BRI3: variants seen among roughly 807,000 people sequenced by gnomAD.
BRI3 encodes the protein membrane protein BRI3.
A neutral mutation model predicts 12.8 loss-of-function variants in BRI3; 6 were observed. The observed-to-expected ratio is 0.47, with a 90% confidence interval of 0.26 to 0.93. The LOEUF is 0.93. BRI3 is among the 40% of genes least tolerant of loss of function. The pLI, the probability that BRI3 is intolerant of heterozygous loss-of-function variation, is 0.15. For synonymous variants in BRI3, 91 were observed against 76.1 expected (o/e 1.20, Z -1.02); for missense variants, 134 against 171.1 (o/e 0.78, Z 1.21).
Position 98,282,394 on chromosome 7 carries a change from G to T in BRI3, c.186G>T (p.Arg62=). 1 of 1,614,074 alleles carries T rather than the reference G, an allele frequency of 6.2e-7. No homozygotes were observed. The highest frequency in any genetic ancestry group is 8.5e-7 in the Non-Finnish European group (1 of 1,179,990). Residue 62 remains arginine, a synonymous_variant, in exon 2 of 3, where the codon CGG becomes CGT. Coordinates refer to ENST00000297290, the MANE Select transcript of BRI3 (RefSeq NM_015379.5). ...CCAGGGTCTACAACATCCACAGCCG[G>T]ACCGTCACCCGCTATCCTGCCAACT... ...HHPRVYNIHS[R]TVTRYPANSI...
intron 1 of BRI3, 34 bp from the exon 2 acceptor site, chr7:98,282,317 C>T: frequency 4.5e-6 from 7 of 1,554,504 alleles, no homozygotes; most frequent in Non-Finnish European, 6.2e-6. Context: ...ATTTCTCCTC[C>T]CTGCACCCTA....
At chr7:98,304,314 G>A (rs774647666), upstream of BRI3, 3 of 1,613,458 alleles carry the variant, frequency 1.9e-6, no homozygotes, top group South Asian at 1.1e-5. Context: ...GTCGGGTGGG[G>A]GGATGACAAC....
At chr7:98,315,635 A>AATAATC in the BRI3 span, 1 of 1,097,260 alleles carries the variant, frequency 9.1e-7, no homozygotes, top group Non-Finnish European at 1.2e-6. Flanking sequence ...AAATAATAAT[A>AATAATC]ATAATAATTA....
At chr7:98,319,779 G>A in the BRI3 span, among the ~76,000 whole-genome samples, 19 of 152,196 alleles carry the variant, frequency 1.2e-4, no homozygotes, top group African/African-American at 4.1e-4. Flanking sequence ...TTGAACTACT[G>A]ACCTCAAGTG....
At chr7:98,303,473 T>TC (rs1345833933), upstream of BRI3, among the ~76,000 whole-genome samples, 1 of 152,150 alleles carries the variant, frequency 6.6e-6, no homozygotes, top group Non-Finnish European at 1.5e-5. Flanking sequence ...CACCACGCCA[T>TC]CACCTCACCT....
At chr7:98,315,926 A>T in the BRI3 span, among the ~76,000 whole-genome samples, 5 of 152,198 alleles carry the variant, frequency 3.3e-5, no homozygotes, top group African/African-American at 7.2e-5. Context: ...CTTTGGAACC[A>T]GAAAGTTCCA....
At chr7:98,308,177 C>T in exon 2 of BRI3, 1 of 584,818 alleles carries the variant, frequency 1.7e-6, no homozygotes. Flanking sequence ...GCGGTGTGTG[C>T]CGGGTTGATC....
chr7:98,319,608 G>A, the BRI3 span, among the ~76,000 whole-genome samples: 3 of 149,740 alleles, frequency 2.0e-5, no homozygotes, highest in African/African-American at 7.4e-5. Context: ...GTGCAGTGGC[G>A]CAATCTTGGC....
downstream of BRI3, chr7:98,310,663 GT>G (rs1278404391): frequency 0.022 from 19,997 of 899,656 alleles, 2 homozygotes; most frequent in South Asian, 0.024. Flanking sequence ...TCCCAAGGCT[GT>G]TTTTTTTTTT....
intron 1 of BRI3, chr7:98,307,421 T>C: frequency 4.6e-6 from 6 of 1,297,122 alleles, no homozygotes; most frequent in Non-Finnish European, 5.9e-6. Context: ...TAAATTTTTT[T>C]TAAAAACAAA....
intron 1 of BRI3, among the ~76,000 whole-genome samples, chr7:98,301,232 C>T (rs914377168): frequency 6.6e-6 from 1 of 152,194 alleles, no homozygotes; most frequent in African/African-American, 2.4e-5. Context: ...AACATGACCT[C>T]CCTGTGGGCG....
chr7:98,313,088 G>A (rs1800930781), downstream of BRI3, among the ~76,000 whole-genome samples: 1 of 151,374 alleles, frequency 6.6e-6, no homozygotes, highest in South Asian at 2.1e-4. Flanking sequence ...CTGGGGAAGG[G>A]CAAAGACCCC....
the BRI3 span, chr7:98,317,328 T>TAG: frequency 6.2e-7 from 1 of 1,614,186 alleles, no homozygotes; most frequent in Non-Finnish European, 8.5e-7. Context: ...TTTATTCTTG[T>TAG]GTTCTGTTTG....
Position 98,281,741 on chromosome 7 carries a change from C to A in BRI3, c.-55C>A. 7 of 936,574 alleles carry A rather than the reference C, an allele frequency of 7.5e-6. No homozygotes were observed. Among genetic ancestry groups the A allele is most frequent in the Non-Finnish European group, 8.9e-6 (7 of 785,218 alleles). The allele number at this position is 936,574 out of a possible 1,614,324, so 58.0% of individuals were successfully genotyped here. ...TCCCCGCCGCCGCCGCCGCGTCCCCCGCCGGGGCCGACCGAGCCGAGCCGG... is the reference window on the plus strand; with the variant it reads ...TCCCCGCCGCCGCCGCCGCGTCCCCAGCCGGGGCCGACCGAGCCGAGCCGG... On this transcript the variant is annotated 5_prime_UTR_variant, in exon 1 of 3. Transcript: ENST00000297290.
chr7:98,322,654 T>G, the BRI3 span, among the ~76,000 whole-genome samples: 1 of 152,078 alleles, frequency 6.6e-6, no homozygotes, highest in East Asian at 1.9e-4. Context: ...GGCGGAGGAT[T>G]CTCCCATCCA....
At chr7:98,310,718 G>A (rs1233312150), downstream of BRI3, 8 of 680,554 alleles carry the variant, frequency 1.2e-5, no homozygotes, top group South Asian at 8.0e-5. Flanking sequence ...ACAGAGTCTC[G>A]CTGTGTTGCC....
intron 2 of BRI3, among the ~76,000 whole-genome samples, chr7:98,284,777 C>T (rs543828977): frequency 4.6e-5 from 7 of 152,294 alleles, no homozygotes; most frequent in East Asian, 3.9e-4. Context: ...CCTTTCTAGC[C>T]GTTTATGAGG....
intron 1 of BRI3, among the ~76,000 whole-genome samples, chr7:98,299,433 C>T (rs1217558406): frequency 3.3e-5 from 5 of 152,180 alleles, no homozygotes; most frequent in African/African-American, 1.2e-4. Context: ...GCTGGGATTA[C>T]AGGTGTGAGC....
exon 2 of BRI3, chr7:98,308,521 C>T (rs2116863321): frequency 2.9e-6 from 1 of 349,080 alleles, no homozygotes; most frequent in African/African-American, 2.1e-5. Context: ...CAGGACAGAC[C>T]CCACAGCTGG....
Sources: gnomAD v4.1 joint callset for allele counts (sites outside exome capture counted in the v4.1 genomes callset) on GRCh38, gnomAD v4.1.1 for gene constraint, MANE v1.5 for transcripts, NCBI Gene and HGNC (gene_info 2026-07-23, HGNC 2026-07-21) for gene names.